RDX: variants seen among roughly 807,000 people sequenced by gnomAD.
RDX encodes radixin.
Under a neutral mutation model 83.7 loss-of-function variants are expected in RDX, and 32 were observed. The ratio of observed to expected loss-of-function variants is 0.38; its 90% CI spans 0.29 to 0.51. The LOEUF is 0.51. Among genes scored for constraint, RDX ranks in the 20% least tolerant of loss-of-function variants. The pLI is 0.87. For synonymous variants in RDX, 229 were observed against 222.7 expected, an observed-to-expected ratio of 1.03 and a Z score of -0.25; for missense variants, 600 against 689.9, an observed-to-expected ratio of 0.87 and a Z score of 1.46.
At chr11:110,200,288 G>A (rs1162353228) in intron 14 of RDX, 1 of 152,786 alleles carries the variant, frequency 6.5e-6, no homozygotes, top group African/African-American at 2.4e-5. Context: ...CTCCTCTGCA[G>A]ACACGTTGGC....
In RDX at chr11:110,229,952, G is replaced by A. The variant is rs1864560284; in HGVS notation, c.*1917C>T. ...CATCCATTCCTTTGATGTACTGCAA[G>A]TAGGAATATTCTCTTCCATAGGATT... On this transcript the variant is annotated 3_prime_UTR_variant, in exon 14 of 14. Coordinates refer to ENST00000645495, the MANE Select transcript of RDX (RefSeq NM_002906.4). 1 of 152,506 alleles carries A rather than the reference G, an allele frequency of 6.6e-6. No individual in the cohort carries two copies. Among genetic ancestry groups the A allele is most frequent in the Non-Finnish European group, 1.5e-5 (1 of 67,960 alleles). The allele number at this position is 152,506 out of a possible 1,614,324, so 9.4% of individuals were successfully genotyped here.
At chr11:110,225,048 T>C (rs1217371582), downstream of RDX, among the ~76,000 whole-genome samples, 1 of 152,234 alleles carries the variant, frequency 6.6e-6, no homozygotes, top group Non-Finnish European at 1.5e-5. Flanking sequence ...ACTCCAGCTT[T>C]ATCATCCTAC....
intron 5 of RDX, among the ~76,000 whole-genome samples, chr11:110,260,944 C>T (rs1227149765): frequency 6.6e-6 from 1 of 151,940 alleles, no homozygotes; most frequent in East Asian, 1.9e-4. Context: ...CACATATTTT[C>T]AATCTGTGGT....
downstream of RDX, among the ~76,000 whole-genome samples, chr11:110,226,560 GT>G (rs1321287909): frequency 1.1e-4 from 17 of 152,014 alleles, no homozygotes; most frequent in African/African-American, 4.1e-4. Flanking sequence ...GGTGGTGATG[GT>G]TACACAACAA....
intron 2 of RDX, among the ~76,000 whole-genome samples, chr11:110,273,357 G>A (rs181634354): frequency 2.6e-5 from 4 of 152,208 alleles, no homozygotes; most frequent in East Asian, 1.9e-4. Context: ...TACATTATTC[G>A]CTTTAGGAAA....
At chr11:110,296,194 G>A (rs1006298461) in intron 1 of RDX, among the ~76,000 whole-genome samples, 2 of 152,166 alleles carry the variant, frequency 1.3e-5, no homozygotes, top group Middle Eastern at 3.4e-3. Context: ...GGCGGCGAAG[G>A]TCGACTTTGG....
At chr11:110,256,541 A>G (rs184670112) in intron 7 of RDX, among the ~76,000 whole-genome samples, 140 of 152,254 alleles carry the variant, frequency 9.2e-4, no homozygotes, top group Admixed American at 2.2e-3. Flanking sequence ...TTTAACATTT[A>G]AAAAAATTGC....
At chr11:110,218,415 A>G (rs1045270748) in intron 14 of RDX, among the ~76,000 whole-genome samples, 1 of 152,134 alleles carries the variant, frequency 6.6e-6, no homozygotes, top group African/African-American at 2.4e-5. Flanking sequence ...TCTGTCCTAC[A>G]CATCTGTGGG....
chr11:110,184,826 AC>A (rs2134220513), intron 15 of RDX, among the ~76,000 whole-genome samples: 1 of 152,372 alleles, frequency 6.6e-6, no homozygotes, highest in African/African-American at 2.4e-5. Context: ...GACACATAGA[AC>A]CTGCTGAATG....
intron 10 of RDX, among the ~76,000 whole-genome samples, chr11:110,239,881 G>A (rs1006847163): frequency 5.3e-5 from 8 of 150,880 alleles, no homozygotes; most frequent in Admixed American, 1.3e-4. Flanking sequence ...ATGCTGGCGG[G>A]GATGTAGAGA....
intron 10 of RDX, among the ~76,000 whole-genome samples, chr11:110,238,076 G>A (rs1178256476): frequency 6.6e-6 from 1 of 152,128 alleles, no homozygotes; most frequent in African/African-American, 2.4e-5. Flanking sequence ...TAAACAAATT[G>A]CCATGTTTCA....
Position 110,286,515 on chromosome 11 carries a change from G to A in RDX, c.-64-6759C>T, listed in dbSNP as rs142908695. 3.6e-3 allele frequency among the ~76,000 whole-genome samples: 544 copies of A among 152,354 alleles called. 5 individuals are homozygous for A. Among genetic ancestry groups the A allele is most frequent in the African/African-American group, 0.013 (530 of 41,582 alleles). On this transcript the variant is annotated intron_variant, in intron 1 of 13. Transcript: ENST00000645495. ...GTGGCACAAGACTCACACCTGTCAG[G>A]TGGTAAAACAGGTGTTATAAAGTCT...
At chr11:110,289,956 CAAA>C (rs58146009) in intron 1 of RDX, among the ~76,000 whole-genome samples, 8,163 of 34,712 alleles carry the variant, frequency 0.24, 179 homozygotes, top group East Asian at 0.42. Flanking sequence ...GAGACTGTCT[CAAA>C]AAAAAAAAAA....
intron 15 of RDX, chr11:110,179,815 C>T: frequency 2.5e-6 from 1 of 392,646 alleles, no homozygotes; most frequent in Non-Finnish European, 4.9e-6. Flanking sequence ...TAAGTTGTAC[C>T]TGCAGATCCA....
intron 15 of RDX, among the ~76,000 whole-genome samples, chr11:110,192,766 T>C (rs1863126563): frequency 6.6e-6 from 1 of 152,116 alleles, no homozygotes; most frequent in African/African-American, 2.4e-5. Flanking sequence ...GAAAAAATGT[T>C]CCGCATCACT....
At chr11:110,287,018 T>C (rs968116797) in intron 1 of RDX, 1 of 152,342 alleles carries the variant, frequency 6.6e-6, no homozygotes, top group South Asian at 2.1e-4. Flanking sequence ...ATATATATGC[T>C]TTTTTAATAC....
At chr11:110,220,503 T>C (rs1438444211) in intron 14 of RDX, among the ~76,000 whole-genome samples, 1 of 152,108 alleles carries the variant, frequency 6.6e-6, no homozygotes, top group Non-Finnish European at 1.5e-5. Flanking sequence ...GCCTCACAGC[T>C]ATCCCAAAGA....
chr11:110,219,357 A>G (rs1864167834), intron 14 of RDX, among the ~76,000 whole-genome samples: 1 of 152,234 alleles, frequency 6.6e-6, no homozygotes, highest in Non-Finnish European at 1.5e-5. Context: ...TTAGGCTGCA[A>G]ATGACCGCTG....
At chr11:110,251,323 T>C (rs971893049) in intron 9 of RDX, among the ~76,000 whole-genome samples, 1 of 152,222 alleles carries the variant, frequency 6.6e-6, no homozygotes, top group East Asian at 1.9e-4. Context: ...CTTCCATGAA[T>C]ATTAAAAACA....
Sources: gnomAD v4.1 joint callset for allele counts (sites outside exome capture counted in the v4.1 genomes callset) on GRCh38, gnomAD v4.1.1 for gene constraint, MANE v1.5 for transcripts, NCBI Gene and HGNC (gene_info 2026-07-23, HGNC 2026-07-21) for gene names.